Variants in SPOP observed in about 807,000 individuals in gnomAD.
SPOP encodes the protein speckle type BTB/POZ protein.
In SPOP, 11 loss-of-function variants were observed where a neutral mutation model predicts 45.6. The ratio of observed to expected loss-of-function variants is 0.24; its 90% confidence interval spans 0.15 to 0.40. The LOEUF (loss-of-function observed/expected upper bound fraction) is 0.40. Among genes scored for constraint, SPOP ranks in the 10% least tolerant of loss-of-function variants. SPOP has a pLI of 1.00. For synonymous variants in SPOP, 166 were observed against 166.3 expected, an observed-to-expected ratio of 1.00 and a Z score of 0.01; for missense variants, 152 against 465.6, an observed-to-expected ratio of 0.33 and a Z score of 6.20.
chr17:49,664,647 A>T (rs1307992882), intron 1 of SPOP, among the ~76,000 whole-genome samples: 1 of 152,006 alleles, frequency 6.6e-6, no homozygotes, highest in Non-Finnish European at 1.5e-5. Context: ...GATTCCAGCC[A>T]CTCCCAAAAC....
At chr17:49,610,384 A>T (rs1443793569) in intron 6 of SPOP, among the ~76,000 whole-genome samples, 1 of 152,090 alleles carries the variant, frequency 6.6e-6, no homozygotes, top group Non-Finnish European at 1.5e-5. Flanking sequence ...ATGCCCAGCT[A>T]ATTTTTGTAT....
At chr17:49,608,304 G>T (rs1375397466) in intron 6 of SPOP, among the ~76,000 whole-genome samples, 1 of 152,096 alleles carries the variant, frequency 6.6e-6, no homozygotes, top group Admixed American at 6.5e-5. Context: ...GTTTTTGTTG[G>T]AACTGACACC....
intron 1 of SPOP, among the ~76,000 whole-genome samples, chr17:49,652,386 T>C (rs760739197): frequency 5.3e-5 from 8 of 152,168 alleles, no homozygotes; most frequent in Non-Finnish European, 1.2e-4. Flanking sequence ...CCATAAAAAA[T>C]ATTCATTGAA....
At chr17:49,653,227 T>G (rs2072865095) in intron 1 of SPOP, among the ~76,000 whole-genome samples, 1 of 152,152 alleles carries the variant, frequency 6.6e-6, no homozygotes, top group African/African-American at 2.4e-5. Context: ...ATATGCATTT[T>G]ATTTTAAAGA....
chr17:49,641,034 G>A (rs991853745), intron 1 of SPOP, among the ~76,000 whole-genome samples: 4 of 151,868 alleles, frequency 2.6e-5, no homozygotes, highest in South Asian at 2.1e-4. Context: ...ATGCCGAGGC[G>A]GGTGGATCAC....
chr17:49,609,862 A>G (rs190983616), intron 6 of SPOP, among the ~76,000 whole-genome samples: 1 of 151,972 alleles, frequency 6.6e-6, no homozygotes, highest in African/African-American at 2.4e-5. Context: ...CTAGATAGAT[A>G]GCAAGGGTAT....
chr17:49,600,276 G>A lies in SPOP; in HGVS notation c.*102C>T. On this transcript the variant is annotated 3_prime_UTR_variant, in exon 10 of 10. Coordinates refer to ENST00000504102, the MANE Select transcript of SPOP (RefSeq NM_001007228.2). This position sits in a 1 kb window ranked among gnomAD's most constrained non-coding sequence, Gnocchi z 4.2. ...AATGCAGTCTCTTCCCCTCACAACA[G>A]AGTAAAAGCTCCACAGATTGCGCTG... 6.7e-7 allele frequency: 1 copy of A among 1,489,142 alleles called. No homozygotes were observed. The highest frequency in any genetic ancestry group is 1.2e-5 in the South Asian group (1 of 83,364). 92.2% of individuals were successfully genotyped at this position (1,489,142 alleles called of 1,614,324 possible).
At chr17:49,628,069 AGAG>A (rs1259698877) in intron 1 of SPOP, among the ~76,000 whole-genome samples, 2 of 152,224 alleles carry the variant, frequency 1.3e-5, no homozygotes, top group South Asian at 2.1e-4. Flanking sequence ...ATTTTAGAAA[AGAG>A]GAGACCTACC....
intron 1 of SPOP, among the ~76,000 whole-genome samples, chr17:49,638,088 G>C (rs943878526): frequency 6.6e-6 from 1 of 152,218 alleles, no homozygotes; most frequent in Non-Finnish European, 1.5e-5. Flanking sequence ...GGGAGAGAAA[G>C]AGGTTCCTGT....
chr17:49,606,724 A>T (rs1183984573), intron 8 of SPOP, among the ~76,000 whole-genome samples: 1 of 151,582 alleles, frequency 6.6e-6, no homozygotes, highest in African/African-American at 2.4e-5. Context: ...CAAACTCCTG[A>T]GCTCAGGTGA....
At chr17:49,669,091 G>T (rs1315981421) in intron 1 of SPOP, among the ~76,000 whole-genome samples, 11 of 118,588 alleles carry the variant, frequency 9.3e-5, no homozygotes, top group Non-Finnish European at 1.9e-4. Context: ...TTTTTGAGAT[G>T]AGTCTTGCTC....
At chr17:49,620,434 C>T (rs1291611365) in intron 3 of SPOP, among the ~76,000 whole-genome samples, 2 of 147,528 alleles carry the variant, frequency 1.4e-5, no homozygotes, top group African/African-American at 5.0e-5. Flanking sequence ...TGCCACTGCA[C>T]TCCAGCCTGG....
chr17:49,611,757 A>G (rs1175496919), intron 5 of SPOP, among the ~76,000 whole-genome samples: 20 of 152,224 alleles, frequency 1.3e-4, no homozygotes, highest in Admixed American at 1.2e-3. Context: ...CAAAGGTGCC[A>G]GAGAGACAAA....
At chr17:49,635,505 G>GT (rs1197668708) in intron 1 of SPOP, among the ~76,000 whole-genome samples, 2 of 151,784 alleles carry the variant, frequency 1.3e-5, no homozygotes, top group Admixed American at 6.6e-5. Context: ...ATGGTGGAGA[G>GT]TTTTTTTTCT....
intron 1 of SPOP, among the ~76,000 whole-genome samples, chr17:49,640,397 T>A (rs2072625393): frequency 6.6e-6 from 1 of 151,970 alleles, no homozygotes; most frequent in African/African-American, 2.4e-5. Context: ...GGATGAGAAG[T>A]CAGTAATAAA....
chr17:49,602,205 CTAAAGTAACT>C, intron 8 of SPOP, 198 bp from the exon 9 acceptor site: 1 of 549,592 alleles, frequency 1.8e-6, no homozygotes, highest in Non-Finnish European at 3.0e-6. Flanking sequence ...ATGTAAACAG[CTAAAGTAACT>C]TGGAAAGCTG....
At chr17:49,604,676 C>T (rs1021994645) in intron 8 of SPOP, among the ~76,000 whole-genome samples, 9 of 152,290 alleles carry the variant, frequency 5.9e-5, no homozygotes, top group East Asian at 1.9e-4. Flanking sequence ...CCCATCCTCA[C>T]GCCAACTCTA....
intron 1 of SPOP, among the ~76,000 whole-genome samples, chr17:49,655,428 G>A (rs548271553): frequency 6.6e-6 from 1 of 151,694 alleles, no homozygotes; most frequent in Non-Finnish European, 1.5e-5. Context: ...GGAGAATGGC[G>A]TGAACCCGGG....
At position 49,619,669 on chromosome 17, in the gene SPOP, G is replaced by C. The variant is rs556499703; in HGVS notation, c.201-284C>G. Among the ~76,000 whole-genome samples, 1 of 152,060 alleles carries C rather than the reference G, an allele frequency of 6.6e-6. No individual in the cohort carries two copies. The highest frequency in any genetic ancestry group is 2.4e-5 in the African/African-American group (1 of 41,400). ...CCACCCCAGCCTCCCGAGTAGCGGG[G>C]ACTACAGATGTGCACCACCATGGCC... On this transcript the variant is annotated intron_variant, in intron 3 of 9. Transcript: ENST00000504102. This position sits in a 1 kb window ranked among gnomAD's most constrained non-coding sequence, Gnocchi z 4.9.
Sources: gnomAD v4.1 joint callset for allele counts (sites outside exome capture counted in the v4.1 genomes callset) on GRCh38, gnomAD v4.1.1 for gene constraint, Gnocchi (gnomAD v3.1) non-coding constraint, MANE v1.5 for transcripts, NCBI Gene and HGNC (gene_info 2026-07-23, HGNC 2026-07-21) for gene names.